The following MICAL1 variants were observed in gnomAD, a reference collection of about 807,000 sequenced individuals.
The protein encoded by MICAL1 is microtubule associated monooxygenase, calponin and LIM domain containing 1.
In MICAL1, 95 loss-of-function variants were observed where a neutral mutation model predicts 131.8. That is an observed-to-expected ratio of 0.72 (90% CI 0.61 to 0.86). The LOEUF is 0.86. Ranked by LOEUF, MICAL1 falls within the 40% of genes least tolerant of loss-of-function variation. The pLI is 0.00. For missense variants in MICAL1, 1,292 were observed against 1,380.6 expected (o/e 0.94, Z 1.02); for synonymous variants, 546 against 554.2 (o/e 0.99, Z 0.21).
intron 17 of MICAL1, 112 bp downstream of exon 17, chr6:109,446,961 C>T (rs897540606): frequency 1.7e-5 from 23 of 1,385,008 alleles, no homozygotes; most frequent in South Asian, 2.7e-5. Context: ...CTCAGGAGAA[C>T]GAAGTGCCAT....
At position 109,453,698 on chromosome 6, in the gene MICAL1, G is replaced by A. The variant is rs772793278; in HGVS notation, c.406C>T (p.Arg136Trp). ...TAGAACTTCTTAGCACCGAGTGCCC[G>A]CAGGTCGTGGATGGTGAAGGGCCAG... Reference protein sequence around the residue: ...HLWPFTIHDLRALGAKKFYGR... With the variant: ...HLWPFTIHDLWALGAKKFYGR... The change falls in exon 3 of 25, where the codon CGG (arginine) becomes TGG (tryptophan). Residue 136 changes from arginine (R) to tryptophan (W), a missense_variant. By Grantham distance (101) the Arg-to-Trp change is moderately radical. Transcript: ENST00000358807. 22 of 1,613,778 alleles carry A rather than the reference G, an allele frequency of 1.4e-5. No individual in the cohort carries two copies. In the Admixed American group the frequency reaches 1.8e-4, roughly 13 times the overall value.
In MICAL1 at chr6:109,446,286, G is replaced by A; in HGVS notation, c.2431C>T (p.Pro811Ser). Residue 811 changes from proline to serine, a missense_variant, in exon 19 of 25, where the codon CCG (proline) becomes TCG (serine). By Grantham distance (74) the Pro-to-Ser change is moderately conservative. Coordinates refer to ENST00000358807, the MANE Select transcript of MICAL1 (RefSeq NM_022765.4). ...AGGGAGGACAACCGCTGGCGCTCCG[G>A]GCTGGAGAGGCGGATCTGCCGACGG... ...PTRRQIRLSS[P>S]ERQRLSSLNL... is the part of the protein sequence containing the mutation. The A allele has an allele frequency of 6.2e-7, 1 of 1,614,134 alleles. No individual in the cohort carries two copies. The highest frequency in any genetic ancestry group is 8.5e-7 in the Non-Finnish European group (1 of 1,180,016).
chr6:109,451,606 C>A lies in MICAL1; in HGVS notation c.927G>T (p.Leu309=), dbSNP rs1222580996. The A allele has an allele frequency of 6.2e-7, 1 of 1,613,874 alleles. No homozygotes were observed. The highest frequency in any genetic ancestry group is 8.5e-7 in the Non-Finnish European group (1 of 1,179,944). ...GGCCAGGACTGGGCCTCACCTGGCGCAGCACCCCCAGCCGCAGCAGGCACT... is the reference window on the plus strand; with the variant it reads ...GGCCAGGACTGGGCCTCACCTGGCGAAGCACCCCCAGCCGCAGCAGGCACT... ...KKQCLLRLGV[L]RQDWPDTNRL... The change falls in exon 7 of 25, where the codon CTG becomes CTT. Residue 309 remains leucine (L), a synonymous_variant. Coordinates refer to ENST00000358807, the MANE Select transcript of MICAL1 (RefSeq NM_022765.4).
Position 109,454,122 on chromosome 6 carries a change from G to A in MICAL1, c.75C>T (p.Asp25=), listed in dbSNP as rs183446765. ...ACAGCTCCTGGAAGCTGCTCAGCAC[G>A]TCCTGGCACAGCTGGGCCTGCAGGA... ...ESFLQAQLCQ[D]VLSSFQELCG... Residue 25 remains aspartate, a synonymous_variant, in exon 2 of 25, where the codon GAC becomes GAT. Transcript: ENST00000358807. 31 of 1,613,640 alleles carry A rather than the reference G, an allele frequency of 1.9e-5. 1 individual carries two copies. In the South Asian group the frequency reaches 2.1e-4, roughly 11 times the overall value.
In MICAL1 at chr6:109,447,206, T is replaced by C. The variant is rs775766073; in HGVS notation, c.2094A>G (p.Ala698=). 1.2e-6 allele frequency: 2 copies of C among 1,613,912 alleles called. No individual in the cohort carries two copies. The highest frequency in any genetic ancestry group is 1.7e-6 in the Non-Finnish European group (2 of 1,179,948). Residue 698 remains alanine, a synonymous_variant, in exon 17 of 25, where the codon GCA becomes GCG. Transcript: ENST00000358807. ...HQEAGAGDLC[A]LCGEHLYVLE... Reference sequence around the variant, plus strand: ...GGACATAGAGGTGTTCCCCACAAAGTGCACACAGGTCCCCAGCACCGGCCT... The same window carrying C: ...GGACATAGAGGTGTTCCCCACAAAGCGCACACAGGTCCCCAGCACCGGCCT...
chr6:109,446,313 T>TTAGA lies in MICAL1; in HGVS notation c.2403_2404insTCTA (p.Thr802SerfsTer20). The TTAGA allele has an allele frequency of 6.2e-7, 1 of 1,612,202 alleles. No individual in the cohort carries two copies. Among genetic ancestry groups the TTAGA allele is most frequent in the Admixed American group, 1.7e-5 (1 of 59,734 alleles). On this transcript the variant is annotated frameshift_variant, in exon 19 of 25. Coordinates refer to ENST00000358807, the MANE Select transcript of MICAL1 (RefSeq NM_022765.4). LOFTEE classifies it high-confidence loss of function. ...CTGGAGAGGCGGATCTGCCGACGGGTGGGCTGGCTGGGATCTGGAACAGGA... is the reference window on the plus strand; with the variant it reads ...CTGGAGAGGCGGATCTGCCGACGGGTTAGAGGGCTGGCTGGGATCTGGAACAGGA...
At chr6:109,463,596 C>T (rs1269569611) in intron 1 of MICAL1, 1 of 152,124 alleles carries the variant, frequency 6.6e-6, no homozygotes, top group Non-Finnish European at 1.5e-5. Flanking sequence ...TTTGTCTTAG[C>T]TACTTGATAT....
chr6:109,453,444 G>A, intron 3 of MICAL1, 77 bp from the exon 4 acceptor site: 2 of 1,539,084 alleles, frequency 1.3e-6, no homozygotes, highest in East Asian at 2.3e-5. Context: ...TGCCTGGTCA[G>A]GGTCAGACTG....
intron 20 of MICAL1, 79 bp from the exon 21 acceptor site, chr6:109,445,608 T>C: frequency 6.4e-7 from 1 of 1,566,392 alleles, no homozygotes; most frequent in Non-Finnish European, 8.8e-7. Context: ...AGGCAGAAAA[T>C]AACCCGTGCT....
At chr6:109,449,824 G>T in intron 9 of MICAL1, 41 bp from the exon 10 acceptor site, 1 of 1,591,034 alleles carries the variant, frequency 6.3e-7, no homozygotes, top group South Asian at 1.1e-5. Context: ...TGAATGGGAG[G>T]GCACCTGTCA....
intron 20 of MICAL1, 47 bp downstream of exon 20, chr6:109,445,724 T>A (rs1422404038): frequency 2.5e-6 from 4 of 1,583,234 alleles, no homozygotes; most frequent in Non-Finnish European, 3.4e-6. Context: ...AGGTTTCTCC[T>A]GTAGTGGGCT....
At chr6:109,461,761 ATT>A (rs1390861701) in intron 1 of MICAL1, among the ~76,000 whole-genome samples, 2 of 152,156 alleles carry the variant, frequency 1.3e-5, no homozygotes, top group East Asian at 3.8e-4. Context: ...GAAATTACTT[ATT>A]TAATAAGAAA....
In MICAL1 at chr6:109,454,168, G is replaced by C. The variant is rs201945561; in HGVS notation, c.29C>G (p.Ala10Gly). MASPTSTNPAHAHFESFLQA... is the reference protein window; with the variant it reads MASPTSTNPGHAHFESFLQA... ...CAGGAAGCTCTCAAAGTGGGCATGC[G>C]CTGGGTTGGTGGAGGTAGGTGAAGC... Residue 10 changes from alanine to glycine, a missense_variant, in exon 2 of 25, where the codon GCG becomes GGG. Transcript: ENST00000358807. 6.2e-7 allele frequency: 1 copy of C among 1,608,150 alleles called. No individual in the cohort carries two copies. The highest frequency in any genetic ancestry group is 2.2e-5 in the East Asian group (1 of 44,572).
intron 14 of MICAL1, 70 bp downstream of exon 14, chr6:109,447,805 C>A (rs893639111): frequency 1.6e-5 from 26 of 1,610,646 alleles, no homozygotes; most frequent in Non-Finnish European, 2.1e-5. Flanking sequence ...ACCATCACCC[C>A]AGGATCTCCA....
chr6:109,447,925 C>T lies in MICAL1; in HGVS notation c.1894G>A (p.Val632Ile), dbSNP rs149468425. Residue 632 changes from valine (V) to isoleucine (I), a missense_variant, in exon 14 of 25, where the codon GTA becomes ATA. By Grantham distance (29) the Val-to-Ile change is conservative. Coordinates refer to ENST00000358807, the MANE Select transcript of MICAL1 (RefSeq NM_022765.4). ...SQASPGTSSA[V>I]LFLSKLQRTL... ...CTCTGAAGTTTACTAAGGAATAATACAGCACTGGAGGTCCCTGGGGAGGCC... is the reference window on the plus strand; with the variant it reads ...CTCTGAAGTTTACTAAGGAATAATATAGCACTGGAGGTCCCTGGGGAGGCC... The T allele has an allele frequency of 5.2e-5, 84 of 1,613,180 alleles. No individual in the cohort carries two copies. The African/African-American group carries it at 9.1e-4, about 17-fold the overall frequency.
In MICAL1 at chr6:109,447,369, G is replaced by C. The variant is rs1775277234; in HGVS notation, c.2058C>G (p.Ser686=). 1 of 1,613,760 alleles carries C rather than the reference G, an allele frequency of 6.2e-7. No homozygotes were observed. Among genetic ancestry groups the C allele is most frequent in the Admixed American group, 1.7e-5 (1 of 59,990 alleles). Residue 686 remains serine (S), a synonymous_variant, in exon 16 of 25, where the codon TCC becomes TCG. Coordinates refer to ENST00000358807, the MANE Select transcript of MICAL1 (RefSeq NM_022765.4). The part of the protein sequence containing the change: ...PEPGVPLTPP[S]QHQEAGAGDL... ...GCCTGGCTCTCACCTCCTGGTGTTGGGATGGGGGTGTCAGGGGTACACCAG... is the reference window on the plus strand; with the variant it reads ...GCCTGGCTCTCACCTCCTGGTGTTGCGATGGGGGTGTCAGGGGTACACCAG...
chr6:109,453,399 C>T (rs1322019596), intron 3 of MICAL1, 32 bp from the exon 4 acceptor site: 1 of 1,602,344 alleles, frequency 6.2e-7, no homozygotes, highest in Non-Finnish European at 8.5e-7. Flanking sequence ...GAACAGGGAC[C>T]CTAGGGCAGC....
Position 109,447,009 on chromosome 6 carries a change from GCT to G in MICAL1, c.2227+62_2227+63del, listed in dbSNP as rs1322654039. ...TCCATCCTGTGCCTCTCTACCTCAAGCTCTGTGTCCCCCAAGCAGGGCCAGGC... is the reference window on the plus strand; with the variant it reads ...TCCATCCTGTGCCTCTCTACCTCAAGCTGTGTCCCCCAAGCAGGGCCAGGC... On this transcript the variant is annotated intron_variant, in intron 17 of 24. Coordinates refer to ENST00000358807, the MANE Select transcript of MICAL1 (RefSeq NM_022765.4). The G allele has an allele frequency of 4.4e-6, 7 of 1,575,546 alleles. No homozygotes were observed. In the African/African-American group the frequency reaches 8.1e-5, roughly 18 times the overall value.
intron 24 of MICAL1, 23 bp downstream of exon 24, chr6:109,444,702 G>C (rs376483879): frequency 5.6e-6 from 9 of 1,613,182 alleles, no homozygotes; most frequent in South Asian, 5.5e-5. Flanking sequence ...GGATGTGTCT[G>C]CTTCTCCCCA....
Sources: gnomAD v4.1 joint callset for allele counts (sites outside exome capture counted in the v4.1 genomes callset) on GRCh38, gnomAD v4.1.1 for gene constraint, MANE v1.5 for transcripts, NCBI Gene and HGNC (gene_info 2026-07-23, HGNC 2026-07-21) for gene names.